Variants in BAIAP2 observed in about 807,000 individuals in gnomAD.
BAIAP2 encodes BAR/IMD domain-containing adapter protein 2.
In BAIAP2, 18 loss-of-function variants were observed where a neutral mutation model predicts 63.0. That is an observed-to-expected ratio of 0.29 (90% CI 0.20 to 0.42). BAIAP2 has a LOEUF of 0.42. Ranked by LOEUF, BAIAP2 falls within the 10% of genes least tolerant of loss-of-function variation. The pLI is 1.00. For missense variants in BAIAP2, 610 were observed against 734.3 expected, an observed-to-expected ratio of 0.83 and a Z score of 1.96; for synonymous variants, 386 against 307.6, an observed-to-expected ratio of 1.25 and a Z score of -2.67.
chr17:81,079,177 A>G (rs1167590621), intron 3 of BAIAP2, among the ~76,000 whole-genome samples: 1 of 152,162 alleles, frequency 6.6e-6, no homozygotes, highest in Non-Finnish European at 1.5e-5. Context: ...CACCTGACTC[A>G]GGTGCTGTTT....
At chr17:81,057,859 G>A (rs374925633) in intron 2 of BAIAP2, 22 bp from the exon 3 acceptor site, 10 of 1,604,110 alleles carry the variant, frequency 6.2e-6, no homozygotes, top group Non-Finnish European at 8.5e-6. Context: ...GGAAATAACT[G>A]CTCCCTTTTC....
At chr17:81,045,773 T>C (rs1407963191) in intron 1 of BAIAP2, among the ~76,000 whole-genome samples, 1 of 151,960 alleles carries the variant, frequency 6.6e-6, no homozygotes, top group Non-Finnish European at 1.5e-5. Context: ...GGGGCTGGGG[T>C]GTGCCCTCCA....
intron 4 of BAIAP2, 182 bp from the exon 5 acceptor site, chr17:81,085,472 C>G: frequency 1.4e-6 from 1 of 700,904 alleles, no homozygotes; most frequent in East Asian, 2.7e-5. Flanking sequence ...GCACTCGCTC[C>G]TGGCTCCAGA....
intron 3 of BAIAP2, among the ~76,000 whole-genome samples, chr17:81,065,062 A>C (rs1318040824): frequency 6.6e-6 from 1 of 152,096 alleles, no homozygotes; most frequent in South Asian, 2.1e-4. Context: ...CTGCTCTCAA[A>C]GCCCCTGAGC....
intron 5 of BAIAP2, 97 bp downstream of exon 5, chr17:81,085,822 T>A (rs2055512857): frequency 5.7e-6 from 5 of 883,704 alleles, no homozygotes; most frequent in Non-Finnish European, 9.0e-6. Context: ...GCTTCCCACT[T>A]CCCCGAGCTC....
intron 3 of BAIAP2, among the ~76,000 whole-genome samples, chr17:81,081,853 G>GC (rs1034899868): frequency 2.0e-5 from 3 of 152,150 alleles, no homozygotes; most frequent in African/African-American, 4.8e-5. Flanking sequence ...GCTGGGCCCT[G>GC]CCCCACTCCA....
At chr17:81,115,688 C>T in intron 13 of BAIAP2, 82 bp from the exon 14 acceptor site, 1 of 1,536,704 alleles carries the variant, frequency 6.5e-7, no homozygotes, top group Admixed American at 1.7e-5. Flanking sequence ...CTGGGGAATC[C>T]CTGGGGCATC....
chr17:81,081,213 C>T (rs60307359), intron 3 of BAIAP2, among the ~76,000 whole-genome samples: 34,599 of 152,190 alleles, frequency 0.23, 4,392 homozygotes, highest in East Asian at 0.49. Context: ...CTTCCTGAGC[C>T]CAGAGGTCGT....
intron 1 of BAIAP2, chr17:81,036,726 G>A (rs550262126): frequency 2.8e-6 from 2 of 721,776 alleles, no homozygotes; most frequent in South Asian, 3.7e-5. Flanking sequence ...AGGCCCTGGG[G>A]TTGTTAGGTT....
chr17:81,104,995 C>CAGGGATCTCCCCCCAAT, intron 10 of BAIAP2: 2 of 366,152 alleles, frequency 5.5e-6, no homozygotes, highest in Non-Finnish European at 1.0e-5. Flanking sequence ...CTCCCCCCAA[C>CAGGGATCTCCCCCCAAT]GGCAGGGATC....
At position 81,095,355 on chromosome 17, in the gene BAIAP2, A is replaced by G. The variant is rs549227548; in HGVS notation, c.490-4573A>G. The stretch of plus-strand genomic sequence containing the variant: ...GTATAGGTCATCCCCGTCCAACAGC[A>G]GGTCACAGTTGGCCGGGCCCTGCAG... On this transcript the variant is annotated intron_variant, in intron 6 of 13. Coordinates refer to ENST00000428708, the MANE Select transcript of BAIAP2 (RefSeq NM_001144888.2). Among the ~76,000 whole-genome samples, 25 of 152,278 alleles carry G rather than the reference A, an allele frequency of 1.6e-4. No individual in the cohort carries two copies. In the South Asian group the frequency reaches 5.2e-3, roughly 32 times the overall value.
At chr17:81,070,993 G>GAC (rs1164480784) in intron 3 of BAIAP2, among the ~76,000 whole-genome samples, 15 of 152,184 alleles carry the variant, frequency 9.9e-5, no homozygotes, top group African/African-American at 3.6e-4. Flanking sequence ...TCTGAATGCT[G>GAC]ACCCAGCCTT....
intron 13 of BAIAP2, chr17:81,109,372 T>TAAAAAAAAAAAA (rs747875777): frequency 1.2e-5 from 11 of 890,618 alleles, no homozygotes; most frequent in African/African-American, 1.0e-4. Context: ...AGAAAAATCT[T>TAAAAAAAAAAAA]AAAAAAAAAA....
At chr17:81,100,557 A>G (rs115603508) in intron 7 of BAIAP2, among the ~76,000 whole-genome samples, 2,777 of 152,058 alleles carry the variant, frequency 0.018, 92 homozygotes, top group African/African-American at 0.063. Context: ...CACCCGAGGC[A>G]CTGAGGACCC....
chr17:81,061,355 G>C (rs1392272151), intron 3 of BAIAP2, among the ~76,000 whole-genome samples: 1 of 152,142 alleles, frequency 6.6e-6, no homozygotes, highest in Admixed American at 6.5e-5. Context: ...GATGAGTTTT[G>C]ACGTGTGTAC....
chr17:81,114,214 T>C (rs1568204421), intron 13 of BAIAP2, among the ~76,000 whole-genome samples: 1 of 150,968 alleles, frequency 6.6e-6, no homozygotes, highest in Non-Finnish European at 1.5e-5. Flanking sequence ...CTCAAGTGGT[T>C]CCTCCTGCTT....
rs370775327 is a variant in BAIAP2, at chr17:81,055,574, G to GTTTTTTGTTTTTTTTTGTTGTT, written c.130+1837_130+1838insGTTTTTTTTTGTTGTTTTTTTT. 1.6e-5 allele frequency among the ~76,000 whole-genome samples: 2 copies of GTTTTTTGTTTTTTTTTGTTGTT among 123,406 alleles called. 1 individual carries two copies. The highest frequency in any genetic ancestry group is 5.4e-4 in the East Asian group (2 of 3,724). The allele number at this position is 123,406 out of a possible 152,430, so 81.0% of individuals were successfully genotyped here. A position where few individuals can be genotyped will look rare whatever the true frequency, so the allele number is the denominator to read the frequency against. On this transcript the variant is annotated intron_variant, in intron 2 of 13. Coordinates refer to ENST00000428708, the MANE Select transcript of BAIAP2 (RefSeq NM_001144888.2). ...CCAGCGAAAGTCTGCAGGGTGTTTT[G>GTTTTTTGTTTTTTTTTGTTGTT]TTTTTTTTTGAGACGGAGTCTCACT... is the stretch of plus-strand genomic sequence containing the variant.
intron 7 of BAIAP2, among the ~76,000 whole-genome samples, chr17:81,103,030 C>T (rs902813325): frequency 2.0e-5 from 3 of 152,198 alleles, no homozygotes; most frequent in African/African-American, 7.2e-5. Context: ...GCTCTTGGGC[C>T]CAAGGGCAGT....
chr17:81,057,131 C>CG (rs2049724220), intron 2 of BAIAP2, among the ~76,000 whole-genome samples: 1 of 152,232 alleles, frequency 6.6e-6, no homozygotes, highest in Non-Finnish European at 1.5e-5. Context: ...CACTGCTCTC[C>CG]GGGGCCCTGC....
Sources: gnomAD v4.1 joint callset for allele counts (sites outside exome capture counted in the v4.1 genomes callset) on GRCh38, gnomAD v4.1.1 for gene constraint, MANE v1.5 for transcripts, NCBI Gene and HGNC (gene_info 2026-07-23, HGNC 2026-07-21) for gene names.